LMNTD1: variants seen among roughly 807,000 people sequenced by gnomAD.
LMNTD1 encodes the protein lamin tail domain-containing protein 1.
Under a neutral mutation model 50.9 loss-of-function variants are expected in LMNTD1, and 35 were observed. The ratio of observed to expected loss-of-function variants is 0.69; its 90% CI spans 0.53 to 0.91. LMNTD1 has a LOEUF of 0.91. Ranked by LOEUF, LMNTD1 falls within the 40% of genes least tolerant of loss-of-function variation. The pLI is 0.00. For missense variants in LMNTD1, 470 were observed against 475.5 expected, an observed-to-expected ratio of 0.99 and a Z score of 0.11; for synonymous variants, 153 against 161.9, an observed-to-expected ratio of 0.94 and a Z score of 0.42.
chr12:25,595,427 C>T (rs1250285710), intron 1 of LMNTD1, among the ~76,000 whole-genome samples: 3 of 152,064 alleles, frequency 2.0e-5, no homozygotes, highest in Non-Finnish European at 4.4e-5. Flanking sequence ...CCAAATGGAA[C>T]CTTCAAAACC....
intron 1 of LMNTD1, among the ~76,000 whole-genome samples, chr12:25,561,213 T>C (rs1013524672): frequency 6.6e-5 from 10 of 152,208 alleles, no homozygotes; most frequent in African/African-American, 1.2e-4. Context: ...CTTGCTTCTC[T>C]AGTTCTTTTA....
chr12:25,643,114 G>GA (rs1297921294), intron 1 of LMNTD1, among the ~76,000 whole-genome samples: 2 of 151,984 alleles, frequency 1.3e-5, no homozygotes, highest in African/African-American at 2.4e-5. Context: ...GAGTGAGACA[G>GA]AAAAAAACAT....
intron 8 of LMNTD1, among the ~76,000 whole-genome samples, chr12:25,511,975 A>C (rs1304266302): frequency 6.6e-6 from 1 of 152,108 alleles, no homozygotes; most frequent in African/African-American, 2.4e-5. Context: ...TTCCAATGCT[A>C]TCTCCCCTGA....
chr12:25,553,209 A>G lies in LMNTD1; in HGVS notation c.-171T>C, dbSNP rs529770890. 419 of 1,558,674 alleles carry G rather than the reference A, an allele frequency of 2.7e-4. No homozygotes were observed. The highest frequency in any genetic ancestry group is 3.3e-4 in the Non-Finnish European group (387 of 1,155,520). ...CTTGGCTAAGGATGTCGGACAAACC[A>G]TGGTGCAGGTGTGTAGCATTCACTG... On this transcript the variant is annotated 5_prime_UTR_variant, in exon 1 of 10. It removes an upstream start codon present in the reference 5' UTR. Coordinates refer to ENST00000458174, the MANE Select transcript of LMNTD1 (RefSeq NM_001145728.2).
intron 1 of LMNTD1, among the ~76,000 whole-genome samples, chr12:25,584,237 A>G (rs1945430561): frequency 6.6e-6 from 1 of 152,230 alleles, no homozygotes; most frequent in African/African-American, 2.4e-5. Flanking sequence ...GATGTATACA[A>G]TATATTTATG....
chr12:25,525,467 A>C (rs1941639020), intron 6 of LMNTD1, among the ~76,000 whole-genome samples: 1 of 152,146 alleles, frequency 6.6e-6, no homozygotes, highest in Non-Finnish European at 1.5e-5. Flanking sequence ...AATGGAAAAG[A>C]CCTGTATGGA....
chr12:25,575,516 G>T (rs567573023), intron 1 of LMNTD1, among the ~76,000 whole-genome samples: 55 of 152,230 alleles, frequency 3.6e-4, no homozygotes, highest in Admixed American at 2.6e-3. Context: ...TGTGAAAAAT[G>T]TCATCTTAGA....
chr12:25,536,092 GT>G (rs1335743236), intron 4 of LMNTD1, among the ~76,000 whole-genome samples: 1 of 152,082 alleles, frequency 6.6e-6, no homozygotes, highest in Non-Finnish European at 1.5e-5. Flanking sequence ...TGAAACAAAA[GT>G]GATTGAATTG....
chr12:25,481,865 T>TCACACACACACACACA, intron 9 of LMNTD1, among the ~76,000 whole-genome samples: 2 of 132,702 alleles, frequency 1.5e-5, no homozygotes, highest in African/African-American at 5.7e-5. Context: ...TATTGCCTCT[T>TCACACACACACACACA]CACACACACA....
In LMNTD1 at chr12:25,484,265, GT is replaced by G. The variant is rs540275671; in HGVS notation, c.*23-7806del. ...GCTTCTTGAAGCATTGTTGTTTTTC[GT>G]TTTTTTGTTGTTTTAAGAGACAGGG... On this transcript the variant is annotated intron_variant, in intron 9 of 9. Transcript: ENST00000458174. 3.3e-5 allele frequency among the ~76,000 whole-genome samples: 5 copies of G among 151,744 alleles called. No individual in the cohort carries two copies. The East Asian group carries it at 7.7e-4, about 23-fold the overall frequency.
rs777639183 is a variant in LMNTD1 at position 25,520,083 on chromosome 12, A to G, written c.799-8T>C. 7 of 1,583,920 alleles carry G rather than the reference A, an allele frequency of 4.4e-6. No individual in the cohort carries two copies. In the South Asian group the frequency reaches 6.7e-5, roughly 15 times the overall value. On this transcript the variant is annotated splice_polypyrimidine_tract_variant and splice_region_variant and intron_variant, in intron 6 of 9. Coordinates refer to ENST00000458174, the MANE Select transcript of LMNTD1 (RefSeq NM_001145728.2). ...GGTGTACCACGCAATGGCCTAATGAAAATGATTTATTAATGTTGGCTATGT... is the reference window on the plus strand; with the variant it reads ...GGTGTACCACGCAATGGCCTAATGAGAATGATTTATTAATGTTGGCTATGT...
chr12:25,575,265 A>C (rs948356672), intron 1 of LMNTD1, among the ~76,000 whole-genome samples: 10 of 151,930 alleles, frequency 6.6e-5, no homozygotes, highest in Non-Finnish European at 1.3e-4. Flanking sequence ...GAAAATAAAA[A>C]TCTCCTCTGA....
At chr12:25,588,821 C>A (rs1032275033) in intron 1 of LMNTD1, among the ~76,000 whole-genome samples, 4 of 151,842 alleles carry the variant, frequency 2.6e-5, no homozygotes, top group African/African-American at 9.7e-5. Context: ...AAGTAAAAGT[C>A]AAATACTCAG....
In LMNTD1 at chr12:25,612,733, C is replaced by T. The variant is rs545739468; in HGVS notation, c.58+35761G>A. On this transcript the variant is annotated intron_variant, in intron 1 of 7. Coordinates refer to the LMNTD1 transcript ENST00000445693. ...TATATATATATTTTTAAATGTCCCCCGTGTATAGAGTTTAAAGGCTACCAT... is the reference window on the plus strand; with the variant it reads ...TATATATATATTTTTAAATGTCCCCTGTGTATAGAGTTTAAAGGCTACCAT... Among the ~76,000 whole-genome samples the T allele has an allele frequency of 1.4e-3, 220 of 152,006 alleles. 1 individual carries two copies. The highest frequency in any genetic ancestry group is 5.1e-3 in the African/African-American group (212 of 41,474).
intron 1 of LMNTD1, among the ~76,000 whole-genome samples, chr12:25,639,830 C>T (rs998498430): frequency 1.3e-5 from 2 of 152,150 alleles, no homozygotes; most frequent in Admixed American, 6.5e-5. Context: ...AAACACATAT[C>T]CACACAAAAG....
At chr12:25,618,252 A>G (rs1296458080) in intron 1 of LMNTD1, among the ~76,000 whole-genome samples, 2 of 152,142 alleles carry the variant, frequency 1.3e-5, no homozygotes, top group Admixed American at 6.5e-5. Context: ...GAGCTTTTAG[A>G]AAGTTCCAAG....
chr12:25,495,262 G>GTA (rs1193251774), intron 9 of LMNTD1, among the ~76,000 whole-genome samples: 4 of 151,348 alleles, frequency 2.6e-5, no homozygotes, highest in African/African-American at 9.7e-5. Context: ...GTGTGTGTGT[G>GTA]TGTGTGTGTG....
At chr12:25,595,317 T>C (rs12816604) in intron 1 of LMNTD1, among the ~76,000 whole-genome samples, 3,759 of 152,182 alleles carry the variant, frequency 0.025, 50 homozygotes, top group Middle Eastern at 0.044. Context: ...CAAGATAGAC[T>C]ATATAATAGG....
intron 7 of LMNTD1, among the ~76,000 whole-genome samples, chr12:25,519,632 A>G (rs1346931707): frequency 1.3e-5 from 2 of 149,078 alleles, no homozygotes; most frequent in African/African-American, 4.9e-5. Flanking sequence ...AGGGGTCTCA[A>G]TACTACCTAG....
Sources: gnomAD v4.1 joint callset for allele counts (sites outside exome capture counted in the v4.1 genomes callset) on GRCh38, gnomAD v4.1.1 for gene constraint, MANE v1.5 for transcripts, NCBI Gene and HGNC (gene_info 2026-07-23, HGNC 2026-07-21) for gene names.